The following CSRNP3 variants were observed in gnomAD, a reference collection of about 807,000 sequenced individuals.
The protein encoded by CSRNP3 is cysteine and serine rich nuclear protein 3.
Under a neutral mutation model 48.0 loss-of-function variants are expected in CSRNP3, and 12 were observed. The ratio of observed to expected loss-of-function variants is 0.25; its 90% confidence interval spans 0.16 to 0.41. CSRNP3 has a LOEUF of 0.41. Ranked by LOEUF, CSRNP3 falls within the 10% of genes least tolerant of loss-of-function variation. The pLI, the probability that CSRNP3 is intolerant of heterozygous loss-of-function variation, is 1.00. For synonymous variants in CSRNP3, 263 were observed against 269.7 expected (o/e 0.98, Z 0.24); for missense variants, 580 against 724.4 (o/e 0.80, Z 2.29).
intron 1 of CSRNP3, among the ~76,000 whole-genome samples, chr2:165,475,654 G>A (rs1683951320): frequency 6.6e-6 from 1 of 152,154 alleles, no homozygotes; most frequent in South Asian, 2.1e-4. Context: ...TAAGCAAATT[G>A]TCTTGTCAGA....
intron 1 of CSRNP3, among the ~76,000 whole-genome samples, chr2:165,481,511 C>A (rs1389599805): frequency 6.6e-6 from 1 of 152,166 alleles, no homozygotes; most frequent in African/African-American, 2.4e-5. Context: ...CCAGGGCATC[C>A]TCAACAGGAA....
intron 2 of CSRNP3, among the ~76,000 whole-genome samples, chr2:165,514,697 C>A (rs1310822809): frequency 6.6e-6 from 1 of 152,160 alleles, no homozygotes; most frequent in Non-Finnish European, 1.5e-5. Flanking sequence ...ATATGTCATT[C>A]TTCCCAACTC....
At chr2:165,509,164 T>C (rs988617698) in intron 2 of CSRNP3, among the ~76,000 whole-genome samples, 6 of 152,144 alleles carry the variant, frequency 3.9e-5, no homozygotes, top group African/African-American at 1.2e-4. Context: ...GGATAATAAC[T>C]AAATAGCTCT....
intron 4 of CSRNP3, among the ~76,000 whole-genome samples, chr2:165,639,324 A>G (rs889511296): frequency 6.6e-6 from 1 of 152,210 alleles, no homozygotes; most frequent in Admixed American, 6.5e-5. Flanking sequence ...TTCAGCCTCA[A>G]CTGGGAACAT....
At chr2:165,595,685 A>G (rs190413670) in intron 4 of CSRNP3, among the ~76,000 whole-genome samples, 18 of 152,266 alleles carry the variant, frequency 1.2e-4, no homozygotes, top group African/African-American at 3.4e-4. Context: ...GTCTCCCCCA[A>G]TTGTGCAAGT....
At chr2:165,549,856 G>A (rs1169543210) in intron 3 of CSRNP3, among the ~76,000 whole-genome samples, 2 of 152,132 alleles carry the variant, frequency 1.3e-5, no homozygotes, top group African/African-American at 4.8e-5. Context: ...TTGTATTGAT[G>A]TCTAGAGATA....
intron 1 of CSRNP3, among the ~76,000 whole-genome samples, chr2:165,484,204 T>C (rs1023463973): frequency 9.2e-5 from 14 of 152,120 alleles, no homozygotes; most frequent in Non-Finnish European, 1.8e-4. Context: ...ATTTTTCTTA[T>C]GCCTCAGCCT....
Position 165,685,487 on chromosome 2 carries a change from G to T in CSRNP3, c.*5734G>T, listed in dbSNP as rs1326476763. On this transcript the variant is annotated 3_prime_UTR_variant, in exon 7 of 7. Coordinates refer to ENST00000651982, the MANE Select transcript of CSRNP3 (RefSeq NM_001172173.2). ...GGAACCAGGAGAGTGAATACGACCAGATTCAAAGCCTAAAACAATATGTTT... is the reference window on the plus strand; with the variant it reads ...GGAACCAGGAGAGTGAATACGACCATATTCAAAGCCTAAAACAATATGTTT... The T allele has an allele frequency of 1.3e-5, 2 of 152,014 alleles. No individual in the cohort carries two copies. The highest frequency in any genetic ancestry group is 2.4e-5 in the African/African-American group (1 of 41,398). 9.4% of individuals were successfully genotyped at this position (152,014 alleles called of 1,614,324 possible).
At chr2:165,504,453 T>C (rs1684397854) in intron 2 of CSRNP3, among the ~76,000 whole-genome samples, 1 of 152,014 alleles carries the variant, frequency 6.6e-6, no homozygotes, top group Non-Finnish European at 1.5e-5. Flanking sequence ...ATTAAAAACT[T>C]AAAACCGGCT....
intron 1 of CSRNP3, among the ~76,000 whole-genome samples, chr2:165,490,644 G>A (rs1229384887): frequency 8.8e-5 from 12 of 136,830 alleles, no homozygotes; most frequent in Admixed American, 3.8e-4. Flanking sequence ...AAATAACGCC[G>A]CATACCTACA....
intron 4 of CSRNP3, among the ~76,000 whole-genome samples, chr2:165,618,887 G>C (rs757893623): frequency 6.6e-6 from 1 of 152,172 alleles, no homozygotes; most frequent in Non-Finnish European, 1.5e-5. Flanking sequence ...CCTTATGAAG[G>C]TTTTAATTAT....
intron 4 of CSRNP3, among the ~76,000 whole-genome samples, chr2:165,603,055 C>T (rs1685943506): frequency 1.3e-5 from 2 of 152,022 alleles, no homozygotes; most frequent in African/African-American, 2.4e-5. Context: ...GCCATCGTGC[C>T]CGGCTAATTT....
intron 3 of CSRNP3, among the ~76,000 whole-genome samples, chr2:165,591,342 TA>T (rs1389967066): frequency 1.3e-5 from 2 of 152,124 alleles, no homozygotes; most frequent in Non-Finnish European, 2.9e-5. Context: ...AAGTAGAGCA[TA>T]AAGGTTGGAA....
chr2:165,546,269 G>A (rs898128844), intron 3 of CSRNP3, among the ~76,000 whole-genome samples: 6 of 152,122 alleles, frequency 3.9e-5, no homozygotes, highest in African/African-American at 1.4e-4. Flanking sequence ...TCGGCTCACT[G>A]CAACCTCTGT....
At chr2:165,554,761 G>A (rs1366519244) in intron 3 of CSRNP3, among the ~76,000 whole-genome samples, 1 of 152,146 alleles carries the variant, frequency 6.6e-6, no homozygotes, top group South Asian at 2.1e-4. Context: ...CTTTCAAACA[G>A]CCAGAGTCAT....
At chr2:165,509,411 C>T (rs1001047424) in intron 2 of CSRNP3, among the ~76,000 whole-genome samples, 4 of 151,830 alleles carry the variant, frequency 2.6e-5, no homozygotes, top group African/African-American at 7.3e-5. Flanking sequence ...AGACTGGATT[C>T]GAAGTTATTG....
intron 1 of CSRNP3, among the ~76,000 whole-genome samples, chr2:165,477,306 A>T (rs1165599573): frequency 1.3e-5 from 2 of 151,436 alleles, no homozygotes; most frequent in Non-Finnish European, 2.9e-5. Flanking sequence ...TAAGACTTTT[A>T]ACGAAGGGTA....
intron 3 of CSRNP3, among the ~76,000 whole-genome samples, chr2:165,587,281 A>G (rs1354703674): frequency 2.0e-5 from 3 of 152,234 alleles, no homozygotes; most frequent in Non-Finnish European, 4.4e-5. Flanking sequence ...GTGCAGGGAA[A>G]GGGAAATCCC....
At chr2:165,619,274 C>G (rs1466059277) in intron 4 of CSRNP3, among the ~76,000 whole-genome samples, 1 of 152,080 alleles carries the variant, frequency 6.6e-6, no homozygotes, top group East Asian at 1.9e-4. Context: ...CCTAATTTTT[C>G]ATTTTTTGAC....
Sources: allele counts gnomAD v4.1 joint callset (sites outside exome capture counted in the v4.1 genomes callset), GRCh38; gene constraint gnomAD v4.1.1; transcripts MANE v1.5; gene names NCBI Gene and HGNC (gene_info 2026-07-23, HGNC 2026-07-21).